Variants in PUM3 observed in about 807,000 individuals in gnomAD.
PUM3 encodes pumilio RNA binding family member 3.
Under a neutral mutation model 84.0 loss-of-function variants are expected in PUM3, and 91 were observed. The observed-to-expected ratio is 1.08, with a 90% CI of 0.91 to 1.29. The LOEUF (loss-of-function observed/expected upper bound fraction) is 1.29, where lower values mean the gene tolerates loss of function less well. Ranked by LOEUF, PUM3 falls within the 50% of genes most tolerant of loss-of-function variation. PUM3 has a pLI of 0.00. For missense variants in PUM3, 1,067 were observed against 767.5 expected (o/e 1.39, Z -4.61); for synonymous variants, 321 against 266.7 (o/e 1.20, Z -1.98).
chr9:2,839,194 T>A (rs1816205671), intron 1 of PUM3, among the ~76,000 whole-genome samples: 1 of 152,150 alleles, frequency 6.6e-6, no homozygotes, highest in African/African-American at 2.4e-5. Context: ...GATAAACAAG[T>A]TATAACCCCT....
intron 13 of PUM3, among the ~76,000 whole-genome samples, chr9:2,818,162 G>C (rs1017948992): frequency 6.6e-6 from 1 of 152,212 alleles, no homozygotes; most frequent in Non-Finnish European, 1.5e-5. Flanking sequence ...TGGTGGATGA[G>C]TGATGGGAAA....
rs746603179 is a variant in PUM3, at chr9:2,829,896, T to A, written c.730A>T (p.Lys244Ter). The change falls in exon 8 of 18, where the codon AAG (lysine) becomes TAG (stop). Residue 244 changes from lysine to a stop codon, truncating the protein, a stop_gained. Transcript: ENST00000397885. LOFTEE classifies it high-confidence loss of function. ...IIRSFKGHVR[K>*]MLRHAEASAI... ...GATGCTTCCGCATGCCGCAGCATCT[T>A]CCTCACGTGGCCTTTAAAACTTCTG... The A allele has an allele frequency of 1.9e-6, 3 of 1,614,010 alleles. No homozygotes were observed. In the South Asian group the frequency reaches 3.3e-5, roughly 18 times the overall value.
intron 13 of PUM3, among the ~76,000 whole-genome samples, chr9:2,816,843 A>G (rs1387729871): frequency 6.6e-6 from 1 of 152,260 alleles, no homozygotes; most frequent in Non-Finnish European, 1.5e-5. Flanking sequence ...TGATTACACT[A>G]GAGCTTAGTC....
At chr9:2,808,356 G>C (rs1022630003) in intron 16 of PUM3, among the ~76,000 whole-genome samples, 1 of 152,210 alleles carries the variant, frequency 6.6e-6, no homozygotes, top group African/African-American at 2.4e-5. Flanking sequence ...GTGTTCAACA[G>C]TGGTTGATAA....
chr9:2,811,660 C>T, intron 14 of PUM3, 77 bp from the exon 15 acceptor site: 1 of 1,023,932 alleles, frequency 9.8e-7, no homozygotes, highest in South Asian at 1.4e-5. Context: ...ACAAAAACCT[C>T]TAAGAGCTTA....
chr9:2,838,260 G>A (rs1287293764), intron 2 of PUM3, among the ~76,000 whole-genome samples, 166 bp downstream of exon 2: 1 of 152,142 alleles, frequency 6.6e-6, no homozygotes, highest in Non-Finnish European at 1.5e-5. Context: ...AATTTCTTAA[G>A]TGTCTAAATG....
In PUM3 at chr9:2,834,014, T is replaced by C. The variant is rs764220463; in HGVS notation, c.440+17A>G. 1.2e-6 allele frequency: 2 copies of C among 1,611,564 alleles called. No individual in the cohort carries two copies. The highest frequency in any genetic ancestry group is 8.5e-7 in the Non-Finnish European group (1 of 1,178,910). ...TGTTGCAAAGGGACTAACAAAGGCA[T>C]CTTTAGGTAGAATTACCTTCTTAAA... On this transcript the variant is annotated intron_variant, in intron 4 of 17. Coordinates refer to ENST00000397885, the MANE Select transcript of PUM3 (RefSeq NM_014878.5).
chr9:2,817,379 G>C (rs889926467), intron 13 of PUM3, among the ~76,000 whole-genome samples: 5 of 151,820 alleles, frequency 3.3e-5, no homozygotes, highest in Admixed American at 1.3e-4. Context: ...ATTTCAAAAG[G>C]GTTTTAAAAA....
intron 6 of PUM3, 66 bp downstream of exon 6, chr9:2,831,185 G>C: frequency 8.3e-7 from 1 of 1,200,930 alleles, no homozygotes; most frequent in Non-Finnish European, 1.2e-6. Context: ...ACAGTCTTGG[G>C]TATTTTAAGA....
chr9:2,839,311 C>A (rs1816208723), intron 1 of PUM3, among the ~76,000 whole-genome samples: 1 of 152,132 alleles, frequency 6.6e-6, no homozygotes, highest in South Asian at 2.1e-4. Flanking sequence ...TGAAAGCTGG[C>A]TGTAAACAAC....
At chr9:2,820,488 A>G (rs965978805) in intron 12 of PUM3, among the ~76,000 whole-genome samples, 1 of 152,128 alleles carries the variant, frequency 6.6e-6, no homozygotes, top group African/African-American at 2.4e-5. Context: ...CATATATGAT[A>G]CTCCAATCAT....
intron 3 of PUM3, among the ~76,000 whole-genome samples, chr9:2,835,036 A>G (rs1237878540): frequency 6.6e-6 from 1 of 151,914 alleles, no homozygotes; most frequent in Non-Finnish European, 1.5e-5. Flanking sequence ...AAAGAAAAGA[A>G]AAACCCTGTA....
chr9:2,836,314 TAA>T (rs1203231577), intron 3 of PUM3, among the ~76,000 whole-genome samples: 2 of 152,012 alleles, frequency 1.3e-5, no homozygotes, highest in African/African-American at 4.8e-5. Flanking sequence ...AAAAAGAGAA[TAA>T]AAGGCACCAG....
chr9:2,840,567 C>T (rs1303149120), intron 1 of PUM3, among the ~76,000 whole-genome samples: 2 of 152,176 alleles, frequency 1.3e-5, no homozygotes, highest in Admixed American at 1.3e-4. Flanking sequence ...GTAGGGAAGA[C>T]TTGTCCCATC....
chr9:2,835,681 T>A (rs1816102889), intron 3 of PUM3, among the ~76,000 whole-genome samples: 1 of 152,166 alleles, frequency 6.6e-6, no homozygotes, highest in Admixed American at 6.5e-5. Flanking sequence ...AGGGCTAATT[T>A]AATTCCATAA....
chr9:2,843,573 CTTTTTTTTTTT>C (rs34837134), intron 1 of PUM3, among the ~76,000 whole-genome samples: 3 of 96,402 alleles, frequency 3.1e-5, no homozygotes, highest in Non-Finnish European at 6.2e-5. Flanking sequence ...TCCCGCCCTT[CTTTTTTTTTTT>C]TTTTTTTTTT....
At chr9:2,842,042 CCT>C (rs1816280027) in intron 1 of PUM3, among the ~76,000 whole-genome samples, 1 of 152,182 alleles carries the variant, frequency 6.6e-6, no homozygotes, top group Admixed American at 6.5e-5. Flanking sequence ...GGTTTTCACT[CCT>C]GTTTTGTCTT....
intron 9 of PUM3, among the ~76,000 whole-genome samples, chr9:2,827,487 T>A (rs1815855636): frequency 6.6e-6 from 1 of 152,218 alleles, no homozygotes; most frequent in Admixed American, 6.5e-5. Context: ...TGATTAGAAA[T>A]CCACATGTGG....
chr9:2,830,080 A>G (rs963967578), intron 7 of PUM3, 132 bp from the exon 8 acceptor site: 1 of 688,882 alleles, frequency 1.5e-6, no homozygotes, highest in East Asian at 2.7e-5. Flanking sequence ...GCTAGCATGC[A>G]TTGAGAAGCT....
Sources: gnomAD v4.1 joint callset for allele counts (sites outside exome capture counted in the v4.1 genomes callset) on GRCh38, gnomAD v4.1.1 for gene constraint, MANE v1.5 for transcripts, NCBI Gene and HGNC (gene_info 2026-07-23, HGNC 2026-07-21) for gene names.